Variants in BMERB1 observed in about 807,000 individuals in gnomAD.
The protein encoded by BMERB1 is bMERB domain containing 1.
A neutral mutation model predicts 23.6 loss-of-function variants in BMERB1; 12 were observed. That is an observed-to-expected ratio of 0.51 (90% CI 0.33 to 0.82). The LOEUF (loss-of-function observed/expected upper bound fraction) is 0.82. Among genes scored for constraint, BMERB1 ranks in the 40% least tolerant of loss-of-function variants. The probability of loss-of-function intolerance (pLI) is 0.03; values close to 1 mark genes in which losing one functional copy is unlikely to be tolerated. For synonymous variants in BMERB1, 122 were observed against 96.6 expected (o/e 1.26, Z -1.54); for missense variants, 247 against 255.4 (o/e 0.97, Z 0.22).
At chr16:15,439,407 G>A (rs1014148486) in intron 1 of BMERB1, among the ~76,000 whole-genome samples, 2 of 152,196 alleles carry the variant, frequency 1.3e-5, no homozygotes, top group African/African-American at 2.4e-5. Context: ...TGCTGAAAGC[G>A]CTCAATCAAG....
In BMERB1 at chr16:15,587,012, A is replaced by AGGGAGT; in HGVS notation, c.*184_*189dup. 1.0e-5 allele frequency: 6 copies of AGGGAGT among 572,718 alleles called. No individual in the cohort carries two copies. Among genetic ancestry groups the AGGGAGT allele is most frequent in the Non-Finnish European group, 1.9e-5 (6 of 323,150 alleles). The allele number at this position is 572,718 out of a possible 1,614,324, so 35.5% of individuals were successfully genotyped here. The stretch of plus-strand genomic sequence containing the variant: ...GCCACCCTGTACAGAGTGTAGCAGT[A>AGGGAGT]GGGAGTCTCTCACCGTCGCATGGTC... On this transcript the variant is annotated 3_prime_UTR_variant, in exon 6 of 6. Transcript: ENST00000300006.
chr16:15,492,788 A>G (rs925533577), intron 1 of BMERB1, among the ~76,000 whole-genome samples: 1 of 152,026 alleles, frequency 6.6e-6, no homozygotes, highest in African/African-American at 2.4e-5. Flanking sequence ...GCATGGTGGC[A>G]CACACCTGTA....
At chr16:15,468,135 C>CTTTTTTTTTTTT (rs749534588) in intron 1 of BMERB1, among the ~76,000 whole-genome samples, 1 of 31,018 alleles carries the variant, frequency 3.2e-5, no homozygotes, top group African/African-American at 8.6e-5. Context: ...CTTTCTTCTT[C>CTTTTTTTTTTTT]TTTTTTTTTT....
At chr16:15,436,634 A>C (rs1393829751) in intron 1 of BMERB1, among the ~76,000 whole-genome samples, 1 of 152,024 alleles carries the variant, frequency 6.6e-6, no homozygotes, top group Non-Finnish European at 1.5e-5. Context: ...ACTAGATCTT[A>C]TTCATTCTAT....
intron 2 of BMERB1, among the ~76,000 whole-genome samples, chr16:15,563,196 A>G (rs1405533583): frequency 6.6e-6 from 1 of 152,188 alleles, no homozygotes; most frequent in East Asian, 1.9e-4. Context: ...AGCTTGGGCA[A>G]CATGGTGTAA....
At chr16:15,486,738 T>A (rs1006945254) in intron 1 of BMERB1, among the ~76,000 whole-genome samples, 3 of 152,210 alleles carry the variant, frequency 2.0e-5, no homozygotes, top group East Asian at 1.9e-4. Context: ...TTTAAATAAA[T>A]CTGAGATGGT....
chr16:15,510,454 G>A (rs936033241), intron 1 of BMERB1, among the ~76,000 whole-genome samples: 2 of 152,168 alleles, frequency 1.3e-5, no homozygotes, highest in Non-Finnish European at 2.9e-5. Context: ...GAGCAGGTGC[G>A]GCGGTCATAA....
chr16:15,574,950 C>G (rs992313450), intron 3 of BMERB1, among the ~76,000 whole-genome samples: 3 of 152,072 alleles, frequency 2.0e-5, no homozygotes, highest in Admixed American at 1.3e-4. Context: ...GTGGTGGCGC[C>G]TGCCTGTACT....
intron 1 of BMERB1, among the ~76,000 whole-genome samples, chr16:15,467,083 G>C (rs939979729): frequency 2.1e-4 from 32 of 152,110 alleles, no homozygotes; most frequent in African/African-American, 7.0e-4. Flanking sequence ...ACCATGGTTT[G>C]TTTTACCCAT....
intron 1 of BMERB1, among the ~76,000 whole-genome samples, chr16:15,456,012 A>G (rs541455116): frequency 6.6e-6 from 1 of 152,282 alleles, no homozygotes; most frequent in African/African-American, 2.4e-5. Flanking sequence ...ATTTGGTGGT[A>G]TTCATTGCAG....
chr16:15,556,798 C>G (rs1211218914), intron 2 of BMERB1, among the ~76,000 whole-genome samples: 1 of 152,102 alleles, frequency 6.6e-6, no homozygotes, highest in Non-Finnish European at 1.5e-5. Context: ...GTTGGCCAGG[C>G]TGGTCTCGAT....
intron 1 of BMERB1, among the ~76,000 whole-genome samples, chr16:15,464,391 G>A (rs1485584047): frequency 1.3e-5 from 2 of 151,838 alleles, no homozygotes; most frequent in Non-Finnish European, 2.9e-5. Context: ...GGGAGGCCAA[G>A]GCGGGAGGAT....
At chr16:15,493,314 T>G (rs1236495430) in intron 1 of BMERB1, among the ~76,000 whole-genome samples, 1 of 152,182 alleles carries the variant, frequency 6.6e-6, no homozygotes, top group East Asian at 1.9e-4. Flanking sequence ...ATCATGCTAC[T>G]GCACCTGAGA....
chr16:15,576,123 C>G (rs2030852024), intron 3 of BMERB1, among the ~76,000 whole-genome samples: 1 of 151,344 alleles, frequency 6.6e-6, no homozygotes, highest in African/African-American at 2.4e-5. Flanking sequence ...ACTGCAGTCT[C>G]CGCCTCCGGG....
Position 15,559,433 on chromosome 16 carries a change from A to G in BMERB1, c.231-8550A>G, listed in dbSNP as rs188274599. On this transcript the variant is annotated intron_variant, in intron 2 of 5. Transcript: ENST00000300006. ...AGGAGACAACACGGTGAAATTGTCA[A>G]GAGCAGGAGCTAGGGCTGAATCTGG... is the stretch of plus-strand genomic sequence containing the variant. Among the ~76,000 whole-genome samples the G allele has an allele frequency of 6.6e-5, 10 of 152,352 alleles. No individual in the cohort carries two copies. The East Asian group carries it at 1.5e-3, about 24-fold the overall frequency.
chr16:15,574,489 A>T (rs566296650), intron 3 of BMERB1, among the ~76,000 whole-genome samples: 1 of 152,264 alleles, frequency 6.6e-6, no homozygotes. Context: ...GCCTATGCCC[A>T]GTAATGAACA....
At chr16:15,552,175 C>A (rs1200969609) in intron 2 of BMERB1, among the ~76,000 whole-genome samples, 1 of 152,078 alleles carries the variant, frequency 6.6e-6, no homozygotes, top group African/African-American at 2.4e-5. Context: ...CGCGGTGGCT[C>A]ACACCTGTAA....
At chr16:15,518,494 CA>C (rs1270224981) in intron 2 of BMERB1, among the ~76,000 whole-genome samples, 1 of 152,170 alleles carries the variant, frequency 6.6e-6, no homozygotes, top group Non-Finnish European at 1.5e-5. Context: ...GCAACCAGGA[CA>C]AAGGACACAG....
At chr16:15,434,917 G>A (rs1346538907) in intron 1 of BMERB1, among the ~76,000 whole-genome samples, 158 bp downstream of exon 1, 1 of 152,228 alleles carries the variant, frequency 6.6e-6, no homozygotes. Flanking sequence ...TCTGCGCAGC[G>A]ACGCGCTCTC....
Sources: allele counts gnomAD v4.1 joint callset (sites outside exome capture counted in the v4.1 genomes callset), GRCh38; gene constraint gnomAD v4.1.1; transcripts MANE v1.5; gene names NCBI Gene and HGNC (gene_info 2026-07-23, HGNC 2026-07-21).